The following FARS2 variants were observed in gnomAD, a reference collection of about 807,000 sequenced individuals.
FARS2 encodes phenylalanine--tRNA ligase, mitochondrial.
In FARS2, 40 loss-of-function variants were observed where a neutral mutation model predicts 46.4. The ratio of observed to expected loss-of-function variants is 0.86; its 90% CI spans 0.67 to 1.12. The LOEUF (loss-of-function observed/expected upper bound fraction) is 1.12. Ranked by LOEUF, FARS2 falls within the 50% of genes most tolerant of loss-of-function variation. FARS2 has a pLI of 0.00. For synonymous variants in FARS2, 234 were observed against 214.9 expected (o/e 1.09, Z -0.78); for missense variants, 513 against 567.9 (o/e 0.90, Z 0.98).
intron 2 of FARS2, among the ~76,000 whole-genome samples, chr6:5,385,842 A>C (rs1048129082): frequency 6.6e-6 from 1 of 152,138 alleles, no homozygotes; most frequent in East Asian, 1.9e-4. Context: ...GGCTGTATTC[A>C]TCACAGTTAC....
intron 6 of FARS2, among the ~76,000 whole-genome samples, chr6:5,669,605 G>A (rs1033512662): frequency 6.6e-5 from 10 of 151,932 alleles, no homozygotes; most frequent in African/African-American, 2.2e-4. Context: ...TAATATTTTC[G>A]CTCATCATAT....
At chr6:5,565,244 A>T (rs896386136) in intron 5 of FARS2, among the ~76,000 whole-genome samples, 2 of 152,220 alleles carry the variant, frequency 1.3e-5, no homozygotes, top group Admixed American at 1.3e-4. Flanking sequence ...CAAAACAAGG[A>T]TCAGCAGTAT....
At chr6:5,682,203 A>G (rs1419549876) in intron 6 of FARS2, among the ~76,000 whole-genome samples, 1 of 152,266 alleles carries the variant, frequency 6.6e-6, no homozygotes, top group African/African-American at 2.4e-5. Context: ...GCAGCATCAA[A>G]AAGTATTACC....
chr6:5,682,551 G>A (rs189731930), intron 6 of FARS2, among the ~76,000 whole-genome samples: 10 of 152,320 alleles, frequency 6.6e-5, no homozygotes, highest in Admixed American at 4.6e-4. Context: ...TATGTAAAAC[G>A]TCCTGTGCTG....
chr6:5,753,643 C>G (rs747021610), intron 6 of FARS2, among the ~76,000 whole-genome samples: 1 of 152,196 alleles, frequency 6.6e-6, no homozygotes, highest in Non-Finnish European at 1.5e-5. Flanking sequence ...AAGGGAACAG[C>G]ACGTCTGTCT....
chr6:5,399,633 A>T (rs543041977), intron 2 of FARS2, among the ~76,000 whole-genome samples: 3 of 151,950 alleles, frequency 2.0e-5, no homozygotes, highest in Non-Finnish European at 4.4e-5. Flanking sequence ...TAGGTGATTT[A>T]TTTTTGTTAT....
At chr6:5,593,059 A>G (rs899122601) in intron 5 of FARS2, among the ~76,000 whole-genome samples, 4 of 152,152 alleles carry the variant, frequency 2.6e-5, no homozygotes, top group African/African-American at 9.7e-5. Flanking sequence ...TTTCTGCCTT[A>G]TCTCCTTGTC....
chr6:5,312,664 A>G (rs1029026529), intron 1 of FARS2, among the ~76,000 whole-genome samples: 1 of 152,240 alleles, frequency 6.6e-6, no homozygotes, highest in Non-Finnish European at 1.5e-5. Context: ...TGTTCCCTAA[A>G]GAAATGCCTC....
In FARS2 at chr6:5,604,724, A is replaced by G. The variant is rs1484053559; in HGVS notation, c.1066-8445A>G. Among the ~76,000 whole-genome samples, 4 of 152,208 alleles carry G rather than the reference A, an allele frequency of 2.6e-5. No homozygotes were observed. The East Asian group carries it at 7.7e-4, about 29-fold the overall frequency. On this transcript the variant is annotated intron_variant, in intron 5 of 6. Transcript: ENST00000274680. ...TATATTCTTAACAATATCGAGGTATACACAGTATATGTACATACATGTATA... is the reference window on the plus strand; with the variant it reads ...TATATTCTTAACAATATCGAGGTATGCACAGTATATGTACATACATGTATA...
chr6:5,323,842 G>A (rs1196230728), intron 1 of FARS2, among the ~76,000 whole-genome samples: 1 of 152,164 alleles, frequency 6.6e-6, no homozygotes, highest in Admixed American at 6.5e-5. Context: ...TCACCCTAAT[G>A]GCTAAGGTCA....
chr6:5,282,601 G>GTCCC lies in FARS2; in HGVS notation c.-22+20943_-22+20946dup, dbSNP rs1766816599. Among the ~76,000 whole-genome samples, 5 of 152,356 alleles carry GTCCC rather than the reference G, an allele frequency of 3.3e-5. No individual in the cohort carries two copies. In the South Asian group the frequency reaches 1.0e-3, roughly 32 times the overall value. ...TTGATCAGCTGGAGTGTGCGATTTAGTCCCTGGAAGAGAAAGGGGCTTGGG... is the reference window on the plus strand; with the variant it reads ...TTGATCAGCTGGAGTGTGCGATTTAGTCCCTCCCTGGAAGAGAAAGGGGCTTGGG... On this transcript the variant is annotated intron_variant, in intron 1 of 6. Coordinates refer to ENST00000274680, the MANE Select transcript of FARS2 (RefSeq NM_006567.5).
At chr6:5,360,512 G>A (rs1758230732) in intron 1 of FARS2, among the ~76,000 whole-genome samples, 1 of 152,176 alleles carries the variant, frequency 6.6e-6, no homozygotes, top group African/African-American at 2.4e-5. Flanking sequence ...TTTCAACAAA[G>A]CTAATGGGAG....
chr6:5,641,164 CA>C (rs1490658936), intron 6 of FARS2, among the ~76,000 whole-genome samples: 2 of 152,178 alleles, frequency 1.3e-5, no homozygotes, highest in African/African-American at 4.8e-5. Context: ...GTTTCTTGCT[CA>C]CAGTGGTATG....
chr6:5,660,519 A>G (rs1777800171), intron 6 of FARS2, among the ~76,000 whole-genome samples: 1 of 152,086 alleles, frequency 6.6e-6, no homozygotes, highest in South Asian at 2.1e-4. Flanking sequence ...TGATTGGTGC[A>G]TGCCTTTAGT....
chr6:5,538,950 G>A (rs1333522777), intron 4 of FARS2, among the ~76,000 whole-genome samples: 2 of 152,156 alleles, frequency 1.3e-5, no homozygotes, highest in Non-Finnish European at 2.9e-5. Context: ...TGTTCCCCAT[G>A]AGGGTCTGGT....
chr6:5,624,018 A>G (rs565646875), intron 6 of FARS2, among the ~76,000 whole-genome samples: 14 of 152,342 alleles, frequency 9.2e-5, no homozygotes, highest in Admixed American at 2.6e-4. Flanking sequence ...AATTGGCAGC[A>G]TGCAGTACCA....
In FARS2 at chr6:5,496,329, A is replaced by C. The variant is rs114544671; in HGVS notation, c.905-48851A>C. On this transcript the variant is annotated intron_variant, in intron 4 of 6. Coordinates refer to ENST00000274680, the MANE Select transcript of FARS2 (RefSeq NM_006567.5). ...AATCAGTATAAGATTACTTAAAATG[A>C]AGCCTTACAAGGTGTTCAGCATTCA... 8.4e-3 allele frequency among the ~76,000 whole-genome samples: 1,276 copies of C among 152,294 alleles called. 19 individuals carry two copies. Among genetic ancestry groups the C allele is most frequent in the African/African-American group, 0.028 (1,167 of 41,558 alleles).
Position 5,475,462 on chromosome 6 carries a change from A to C in FARS2, c.904+44290A>C, listed in dbSNP as rs138644749. On this transcript the variant is annotated intron_variant, in intron 4 of 6. Coordinates refer to ENST00000274680, the MANE Select transcript of FARS2 (RefSeq NM_006567.5). ...TATAGTCAGTGAGTTGAGGGATAAT[A>C]AAAGAGGACAGATGAGAAGACGTTG... Among the ~76,000 whole-genome samples, 487 of 152,296 alleles carry C rather than the reference A, an allele frequency of 3.2e-3. 2 individuals are homozygous for C. The highest frequency in any genetic ancestry group is 4.5e-3 in the Non-Finnish European group (306 of 68,026).
intron 4 of FARS2, among the ~76,000 whole-genome samples, chr6:5,455,480 G>A (rs2552287): frequency 0.72 from 110,086 of 152,084 alleles, 40,161 homozygotes; most frequent in East Asian, 0.92. Flanking sequence ...AAGCAGCAGC[G>A]TTGTAAATGC....
Sources: gnomAD v4.1 joint callset for allele counts (sites outside exome capture counted in the v4.1 genomes callset) on GRCh38, gnomAD v4.1.1 for gene constraint, MANE v1.5 for transcripts, NCBI Gene and HGNC (gene_info 2026-07-23, HGNC 2026-07-21) for gene names.